The following DAZL variants were observed in gnomAD, a reference collection of about 807,000 sequenced individuals.
The protein encoded by DAZL is deleted in azoospermia like.
DAZL carries 4 observed loss-of-function variants against 45.0 expected under a neutral mutation model. The ratio of observed to expected loss-of-function variants is 0.09; its 90% CI spans 0.04 to 0.20. DAZL has a LOEUF of 0.20. DAZL is among the 10% of genes least tolerant of loss of function. The pLI, the probability that DAZL is intolerant of heterozygous loss-of-function variation, is 1.00. For synonymous variants in DAZL, 122 were observed against 112.4 expected (o/e 1.09, Z -0.54); for missense variants, 326 against 351.3 (o/e 0.93, Z 0.58).
chr3:16,588,865 G>C, intron 10 of DAZL, 152 bp from the exon 11 acceptor site: 2 of 641,988 alleles, frequency 3.1e-6, no homozygotes, highest in Non-Finnish European at 5.7e-6. Context: ...AAGCATTCTT[G>C]AACACTGGGA....
intron 9 of DAZL, among the ~76,000 whole-genome samples, chr3:16,593,407 A>G (rs942250869): frequency 3.9e-5 from 6 of 152,208 alleles, no homozygotes; most frequent in African/African-American, 1.2e-4. Flanking sequence ...TCCTGAGCTC[A>G]AGCAATCCAC....
intron 9 of DAZL, 123 bp from the exon 10 acceptor site, chr3:16,592,271 A>C: frequency 7.0e-7 from 1 of 1,434,288 alleles, no homozygotes; most frequent in Non-Finnish European, 9.6e-7. Context: ...AAAATGCTAA[A>C]AGAGACTGGG....
intron 3 of DAZL, 115 bp downstream of exon 3, chr3:16,597,972 G>T: frequency 8.7e-7 from 1 of 1,147,566 alleles, no homozygotes; most frequent in South Asian, 1.4e-5. Context: ...TCCTCTACAT[G>T]AAAGAAATTA....
At chr3:16,604,717 C>T (rs1694748253) in intron 1 of DAZL, 1 of 1,360,524 alleles carries the variant, frequency 7.4e-7, no homozygotes, top group East Asian at 2.8e-5. Context: ...CCTCAGCAGG[C>T]CCGCCGCCAT....
chr3:16,597,219 T>A (rs1388346005), intron 4 of DAZL, among the ~76,000 whole-genome samples, 168 bp from the exon 5 acceptor site: 1 of 152,152 alleles, frequency 6.6e-6, no homozygotes, highest in Non-Finnish European at 1.5e-5. Context: ...CTTATTTCTC[T>A]AATCAGTGTC....
Position 16,593,638 on chromosome 3 carries a change from C to T in DAZL, c.735+17G>A. 6.8e-7 allele frequency: 1 copy of T among 1,477,948 alleles called. No homozygotes were observed. The highest frequency in any genetic ancestry group is 9.4e-7 in the Non-Finnish European group (1 of 1,062,084). The allele number at this position is 1,477,948 out of a possible 1,614,324, so 91.6% of individuals were successfully genotyped here. On this transcript the variant is annotated intron_variant, in intron 9 of 10. Coordinates refer to ENST00000399444, the MANE Select transcript of DAZL (RefSeq NM_001351.4). ...AAAATAAATATGAAATATATATAAA[C>T]AAAATTAGATGTTTGCCTTTTGTGG...
Position 16,595,375 on chromosome 3 carries a change from G to A in DAZL, c.509C>T (p.Thr170Ile), listed in dbSNP as rs770704526. The A allele has an allele frequency of 5.1e-6, 8 of 1,575,334 alleles. No homozygotes were observed. The highest frequency in any genetic ancestry group is 6.9e-6 in the Non-Finnish European group (8 of 1,153,074). Residue 170 changes from threonine to isoleucine, a missense_variant, in exon 7 of 11, where the codon ACT (threonine) becomes ATT (isoleucine). Thr to Ile is a moderately conservative substitution (Grantham distance 89). Coordinates refer to ENST00000399444, the MANE Select transcript of DAZL (RefSeq NM_001351.4). Reference sequence around the variant, plus strand: ...GACCTGAACTGGTGAATTTGGGTAAGTAGGATATGCCTGAAAATCAAGTTT... The same window carrying A: ...GACCTGAACTGGTGAATTTGGGTAAATAGGATATGCCTGAAAATCAAGTTT... Reference protein sequence around the residue: ...PITQYVQAYPTYPNSPVQVIT... With the variant: ...PITQYVQAYPIYPNSPVQVIT...
Position 16,596,885 on chromosome 3 carries a change from A to G in DAZL, c.363T>C (p.Ala121=), listed in dbSNP as rs776960005. Residue 121 remains alanine (A), a synonymous_variant, in exon 6 of 11, where the codon GCT becomes GCC. Transcript: ENST00000399444. Reference sequence around the variant, plus strand: ...CCAAAGGACGTGGCTGCACATGATAAGCACCTTTTTGAAAAGCAAAAAGAA... The same window carrying G: ...CCAAAGGACGTGGCTGCACATGATAGGCACCTTTTTGAAAAGCAAAAAGAA... ...GPAIRKQNLC[A]YHVQPRPLVF... is the part of the protein sequence containing the mutation. 1 of 1,613,862 alleles carries G rather than the reference A, an allele frequency of 6.2e-7. No homozygotes were observed. Among genetic ancestry groups the G allele is most frequent in the South Asian group, 1.1e-5 (1 of 91,072 alleles).
chr3:16,604,792 G>A (rs998934095), intron 1 of DAZL: 6 of 1,354,588 alleles, frequency 4.4e-6, no homozygotes, highest in Middle Eastern at 2.7e-4. Context: ...CGTGGGAGTG[G>A]GGGAGGGGCG....
rs1694444509 is a variant in DAZL, at chr3:16,586,870, T to G, written c.*1790A>C. 6.6e-6 allele frequency: 1 copy of G among 152,190 alleles called. No individual in the cohort carries two copies. The highest frequency in any genetic ancestry group is 6.5e-5 in the Admixed American group (1 of 15,278). 9.4% of individuals were successfully genotyped at this position (152,190 alleles called of 1,614,324 possible). ...ATAGGCAGAAGCATATTTCTAAGTTTAGAATTAATTTTCCATTTTGAAAGG... is the reference window on the plus strand; with the variant it reads ...ATAGGCAGAAGCATATTTCTAAGTTGAGAATTAATTTTCCATTTTGAAAGG... On this transcript the variant is annotated 3_prime_UTR_variant, in exon 11 of 11. Transcript: ENST00000399444.
chr3:16,586,902 A>C lies in DAZL; in HGVS notation c.*1758T>G, dbSNP rs1694446101. 1 of 152,174 alleles carries C rather than the reference A, an allele frequency of 6.6e-6. No homozygotes were observed. Among genetic ancestry groups the C allele is most frequent in the Non-Finnish European group, 1.5e-5 (1 of 68,010 alleles). 9.4% of individuals were successfully genotyped at this position (152,174 alleles called of 1,614,324 possible). On this transcript the variant is annotated 3_prime_UTR_variant, in exon 11 of 11. Transcript: ENST00000399444. Reference sequence around the variant, plus strand: ...AATTTTCCATTTTGAAAGGTTCAGGACTTTATCTTTTTTACCCTTACTCTT... The same window carrying C: ...AATTTTCCATTTTGAAAGGTTCAGGCCTTTATCTTTTTTACCCTTACTCTT...
chr3:16,602,493 AT>A lies in DAZL; in HGVS notation c.3+2709del, dbSNP rs373266861. Among the ~76,000 whole-genome samples, 741 of 152,336 alleles carry A rather than the reference AT, an allele frequency of 4.9e-3. 9 individuals carry two copies. Among genetic ancestry groups the A allele is most frequent in the African/African-American group, 0.017 (711 of 41,570 alleles). ...AAAACACAGAAGAGGAGATTAAAAA[AT>A]TCAAACACTTTTCTTCAATTTTCAA... On this transcript the variant is annotated intron_variant, in intron 1 of 10. Transcript: ENST00000399444.
chr3:16,592,624 G>A (rs1419302077), intron 9 of DAZL, among the ~76,000 whole-genome samples: 1 of 151,324 alleles, frequency 6.6e-6, no homozygotes, highest in Non-Finnish European at 1.5e-5. Context: ...TTCTTACCAC[G>A]TATCACTCAA....
chr3:16,604,855 G>C, intron 1 of DAZL: 1 of 751,172 alleles, frequency 1.3e-6, no homozygotes, highest in Non-Finnish European at 2.1e-6. Context: ...GGGGCAGTCG[G>C]GGGTGGGGAA....
chr3:16,593,802 G>T (rs775453554), intron 8 of DAZL, 34 bp from the exon 9 acceptor site: 2 of 1,328,814 alleles, frequency 1.5e-6, no homozygotes, highest in Non-Finnish European at 2.1e-6. Flanking sequence ...TAATTAAACA[G>T]ATATACAGAT....
intron 7 of DAZL, among the ~76,000 whole-genome samples, chr3:16,594,910 A>G (rs1694574903): frequency 6.6e-6 from 1 of 152,130 alleles, no homozygotes; most frequent in South Asian, 2.1e-4. Context: ...AAGAACTACT[A>G]TCATGAAGCA....
chr3:16,601,220 C>T (rs939113084), intron 1 of DAZL, among the ~76,000 whole-genome samples: 2 of 152,056 alleles, frequency 1.3e-5, no homozygotes, highest in Non-Finnish European at 2.9e-5. Flanking sequence ...AATTCTCATA[C>T]CCTATACAAG....
In DAZL at chr3:16,605,164, T is replaced by A. The variant is rs763358629; in HGVS notation, c.3+39A>T. On this transcript the variant is annotated intron_variant, in intron 1 of 10. Coordinates refer to ENST00000399444, the MANE Select transcript of DAZL (RefSeq NM_001351.4). ...CCGAGTTTCACCCACGAGTGAAGACTCCGCCAGCCTTGCCCCTCGGGCCTC... is the reference window on the plus strand; with the variant it reads ...CCGAGTTTCACCCACGAGTGAAGACACCGCCAGCCTTGCCCCTCGGGCCTC... The A allele has an allele frequency of 6.2e-6, 10 of 1,613,942 alleles. 1 individual carries two copies. The South Asian group carries it at 8.8e-5, about 14-fold the overall frequency.
At position 16,605,037 on chromosome 3, in the gene DAZL, G is replaced by A. The variant is rs1267285447; in HGVS notation, c.3+166C>T. 2.0e-5 allele frequency among the ~76,000 whole-genome samples: 3 copies of A among 152,252 alleles called. No homozygotes were observed. The South Asian group carries it at 6.2e-4, about 31-fold the overall frequency. ...CTCTGTGTAGGCCGCGCCACTGCCA[G>A]GCCGCCTCTCCCAACTCTGTGGGCC... On this transcript the variant is annotated intron_variant, in intron 1 of 10. Transcript: ENST00000399444.
Sources: allele counts gnomAD v4.1 joint callset (sites outside exome capture counted in the v4.1 genomes callset), GRCh38; gene constraint gnomAD v4.1.1; transcripts MANE v1.5; gene names NCBI Gene and HGNC (gene_info 2026-07-23, HGNC 2026-07-21).